TLL1: variants seen among roughly 807,000 people sequenced by gnomAD.
The protein encoded by TLL1 is tolloid like 1.
TLL1 carries 49 observed loss-of-function variants against 128.2 expected under a neutral mutation model. That is an observed-to-expected ratio of 0.38 (90% CI 0.30 to 0.48). TLL1 has a LOEUF of 0.48. TLL1 is among the 20% of genes least tolerant of loss of function. The pLI is 0.96. For missense variants in TLL1, 1,123 were observed against 1,242.0 expected, an observed-to-expected ratio of 0.90 and a Z score of 1.44; for synonymous variants, 454 against 418.8, an observed-to-expected ratio of 1.08 and a Z score of -1.03.
chr4:165,937,268 A>G (rs1733807727), intron 1 of TLL1, among the ~76,000 whole-genome samples: 1 of 152,180 alleles, frequency 6.6e-6, no homozygotes, highest in African/African-American at 2.4e-5. Context: ...TGTTTGTTCA[A>G]ATATGTCCAA....
rs576291005 is a variant in TLL1, at chr4:166,070,116, T to C, written c.2188+4253T>C. Among the ~76,000 whole-genome samples, 435 of 151,954 alleles carry C rather than the reference T, an allele frequency of 2.9e-3. 1 individual carries two copies. The highest frequency in any genetic ancestry group is 5.3e-3 in the Non-Finnish European group (357 of 67,820). On this transcript the variant is annotated intron_variant, in intron 16 of 20. Transcript: ENST00000061240. ...ATTTTCTTCGACTAAATGAGATTTG[T>C]TGCTAGATTAACAATAATGATTTCA...
intron 15 of TLL1, among the ~76,000 whole-genome samples, chr4:166,061,193 T>C (rs868136270): frequency 2.0e-5 from 3 of 151,978 alleles, no homozygotes; most frequent in Non-Finnish European, 1.5e-5. Context: ...CTTTTGTGTG[T>C]CTATTTTTCT....
At chr4:165,920,834 A>G (rs1025252198) in intron 1 of TLL1, among the ~76,000 whole-genome samples, 2 of 152,210 alleles carry the variant, frequency 1.3e-5, no homozygotes, top group Non-Finnish European at 2.9e-5. Context: ...AATAATTTGA[A>G]TAGGAGGGAA....
At chr4:165,994,269 C>A in intron 3 of TLL1, 112 bp from the exon 4 acceptor site, 1 of 1,282,902 alleles carries the variant, frequency 7.8e-7, no homozygotes, top group Non-Finnish European at 1.1e-6. Flanking sequence ...TGACTTCTGG[C>A]ATTTATACAA....
At chr4:166,024,377 G>A (rs1046809318) in intron 8 of TLL1, among the ~76,000 whole-genome samples, 1 of 152,176 alleles carries the variant, frequency 6.6e-6, no homozygotes, top group African/African-American at 2.4e-5. Flanking sequence ...CTTGTAATAT[G>A]ATAATAGCTC....
At chr4:165,985,848 G>C (rs957491496) in intron 1 of TLL1, among the ~76,000 whole-genome samples, 4 of 151,940 alleles carry the variant, frequency 2.6e-5, no homozygotes, top group African/African-American at 7.2e-5. Flanking sequence ...AAAACCTGTG[G>C]TTTTCCCTGT....
At chr4:165,909,127 C>T (rs1293410156) in intron 1 of TLL1, among the ~76,000 whole-genome samples, 1 of 152,010 alleles carries the variant, frequency 6.6e-6, no homozygotes, top group African/African-American at 2.4e-5. Context: ...GCAGAGGTTT[C>T]AGTGAGCAGA....
At chr4:165,970,821 C>A (rs1246701312) in intron 1 of TLL1, among the ~76,000 whole-genome samples, 2 of 152,136 alleles carry the variant, frequency 1.3e-5, no homozygotes, top group Admixed American at 6.6e-5. Context: ...AATCAAAGAG[C>A]TTTCATGGGC....
At chr4:166,045,319 CTCT>C (rs1176544155) in intron 12 of TLL1, among the ~76,000 whole-genome samples, 2 of 152,098 alleles carry the variant, frequency 1.3e-5, no homozygotes, top group Admixed American at 6.5e-5. Context: ...ACTAAACCCA[CTCT>C]TCTTCTATTT....
At chr4:166,044,130 T>G (rs1248766445) in intron 12 of TLL1, among the ~76,000 whole-genome samples, 1 of 152,102 alleles carries the variant, frequency 6.6e-6, no homozygotes, top group Non-Finnish European at 1.5e-5. Context: ...GTCTAGTAAT[T>G]GAGAGCCCAA....
intron 9 of TLL1, among the ~76,000 whole-genome samples, chr4:166,028,141 T>A (rs1560821358): frequency 6.6e-6 from 1 of 152,030 alleles, no homozygotes; most frequent in East Asian, 1.9e-4. Flanking sequence ...ATTTAACTCA[T>A]TAATTTCAAG....
At chr4:165,992,134 T>C (rs1365426296) in intron 2 of TLL1, among the ~76,000 whole-genome samples, 1 of 152,028 alleles carries the variant, frequency 6.6e-6, no homozygotes, top group Non-Finnish European at 1.5e-5. Context: ...CCTTTTGCAC[T>C]ACAGACTTTT....
chr4:166,018,693 A>C (rs1455367559), intron 8 of TLL1, among the ~76,000 whole-genome samples: 1 of 152,140 alleles, frequency 6.6e-6, no homozygotes, highest in East Asian at 1.9e-4. Context: ...GCCAACAAAC[A>C]TATGAAAAAA....
intron 1 of TLL1, among the ~76,000 whole-genome samples, chr4:165,908,339 C>A (rs138815263): frequency 2.2e-3 from 336 of 152,202 alleles, no homozygotes; most frequent in African/African-American, 7.9e-3. Context: ...CCTGTCATCC[C>A]AGCACTTTGG....
chr4:166,082,687 G>GT lies in TLL1; in HGVS notation c.2442+4664dup, dbSNP rs370221164. Among the ~76,000 whole-genome samples, 1,414 of 151,866 alleles carry GT rather than the reference G, an allele frequency of 9.3e-3. 24 individuals carry two copies. Among genetic ancestry groups the GT allele is most frequent in the African/African-American group, 0.032 (1,308 of 41,424 alleles). ...TTTTTGTTTTTGTTTTGTTTCGTTT[G>GT]TTTTTTTGGAGGTGGAGTCTCGCTC... On this transcript the variant is annotated intron_variant, in intron 18 of 20. Transcript: ENST00000061240.
chr4:165,926,268 A>G (rs1733264138), intron 1 of TLL1, among the ~76,000 whole-genome samples: 1 of 152,204 alleles, frequency 6.6e-6, no homozygotes. Context: ...CTATTTTTTG[A>G]CACATTCATA....
At position 165,873,592 on chromosome 4, in the gene TLL1, G is replaced by A. The variant is rs1001623267; in HGVS notation, c.-313G>A. ...CCAGAAGGACGACCTGGCAGGCTGC[G>A]AGCGCCAGCGCCGCCAGAGCCGAGT... On this transcript the variant is annotated 5_prime_UTR_variant, in exon 1 of 21. Coordinates refer to ENST00000061240, the MANE Select transcript of TLL1 (RefSeq NM_012464.5). The A allele has an allele frequency of 1.8e-5, 4 of 219,348 alleles. No homozygotes were observed. The South Asian group carries it at 5.8e-4, about 32-fold the overall frequency. 13.6% of individuals were successfully genotyped at this position (219,348 alleles called of 1,614,324 possible).
chr4:166,046,573 C>T (rs1206999248), intron 12 of TLL1, among the ~76,000 whole-genome samples: 1 of 152,164 alleles, frequency 6.6e-6, no homozygotes, highest in Non-Finnish European at 1.5e-5. Context: ...GCAGTGCCTT[C>T]TAGGTCATTC....
intron 1 of TLL1, among the ~76,000 whole-genome samples, chr4:165,921,854 G>A (rs1164511899): frequency 1.3e-5 from 2 of 152,098 alleles, no homozygotes; most frequent in Non-Finnish European, 2.9e-5. Flanking sequence ...TTTAAACATT[G>A]CATCACTGCA....
Sources: allele counts gnomAD v4.1 joint callset (sites outside exome capture counted in the v4.1 genomes callset), GRCh38; gene constraint gnomAD v4.1.1; transcripts MANE v1.5; gene names NCBI Gene and HGNC (gene_info 2026-07-23, HGNC 2026-07-21).